The following PEX2 variants were observed in gnomAD, a reference collection of about 807,000 sequenced individuals.
PEX2 encodes the protein peroxisome biogenesis factor 2.
PEX2 carries 19 observed loss-of-function variants against 25.2 expected under a neutral mutation model. That is an observed-to-expected ratio of 0.75 (90% CI 0.53 to 1.10). PEX2 has a LOEUF of 1.10. Among genes scored for constraint, PEX2 ranks in the 50% least tolerant of loss-of-function variants. The pLI, the probability that PEX2 is intolerant of heterozygous loss-of-function variation, is 0.00. For synonymous variants in PEX2, 141 were observed against 127.7 expected (o/e 1.10, Z -0.70); for missense variants, 347 against 350.6 (o/e 0.99, Z 0.08).
Position 76,984,123 on chromosome 8 carries a change from T to G in PEX2, c.56A>C (p.Gln19Pro). 6.2e-7 allele frequency: 1 copy of G among 1,613,882 alleles called. No individual in the cohort carries two copies. The highest frequency in any genetic ancestry group is 2.2e-5 in the East Asian group (1 of 44,876). The stretch of plus-strand genomic sequence containing the variant: ...CTTGTTTAGTTCAAGTGCATCCAAC[T>G]GGCTTATTCTTAGCACTCTGTTTGC... ...KSANRVLRISQLDALELNKAL... is the reference protein window; with the variant it reads ...KSANRVLRISPLDALELNKAL... The change falls in exon 4 of 4, where the codon CAG becomes CCG. Residue 19 changes from glutamine (Q) to proline (P), a missense_variant. Gln to Pro is a moderately conservative substitution (Grantham distance 76). Transcript: ENST00000357039.
chr8:76,999,550 G>C (rs1807433043), intron 1 of PEX2, among the ~76,000 whole-genome samples: 1 of 152,148 alleles, frequency 6.6e-6, no homozygotes, highest in African/African-American at 2.4e-5. Flanking sequence ...AACAGTGTTA[G>C]AAAACTAAGC....
intron 1 of PEX2, among the ~76,000 whole-genome samples, chr8:76,992,229 C>T (rs1178112270): frequency 6.6e-6 from 1 of 152,152 alleles, no homozygotes; most frequent in African/African-American, 2.4e-5. Flanking sequence ...TCCCGCATGA[C>T]CTGCTCCTGT....
At position 76,983,229 on chromosome 8, in the gene PEX2, A is replaced by C. The variant is rs775359513; in HGVS notation, c.*32T>G. The C allele has an allele frequency of 6.2e-7, 1 of 1,606,042 alleles. No homozygotes were observed. The highest frequency in any genetic ancestry group is 8.5e-7 in the Non-Finnish European group (1 of 1,179,758). On this transcript the variant is annotated 3_prime_UTR_variant, in exon 4 of 4. Coordinates refer to ENST00000357039, the MANE Select transcript of PEX2 (RefSeq NM_000318.3). ...AATATTAAGAATTTAAACACGGTGC[A>C]TTTTTTTCCTCAAAGGAAGCAATTT...
intron 1 of PEX2, among the ~76,000 whole-genome samples, chr8:76,995,092 C>T (rs560418235): frequency 1.4e-4 from 22 of 152,328 alleles, no homozygotes; most frequent in Non-Finnish European, 2.9e-4. Flanking sequence ...ACCTCTGGCA[C>T]TGTGAACAGG....
rs749021234 is a variant in PEX2 at position 76,983,835 on chromosome 8, C to G, written c.344G>C (p.Trp115Ser). ...WYAVCTIGGRWLEERCYDLFR... is the reference protein window; with the variant it reads ...WYAVCTIGGRSLEERCYDLFR... ...CAAATCATAGCATCGTTCTTCTAACCACCTGCCACCAATTGTACAAACAGC... is the reference window on the plus strand; with the variant it reads ...CAAATCATAGCATCGTTCTTCTAACGACCTGCCACCAATTGTACAAACAGC... Residue 115 changes from tryptophan to serine, a missense_variant, in exon 4 of 4, where the codon TGG becomes TCG. Coordinates refer to ENST00000357039, the MANE Select transcript of PEX2 (RefSeq NM_000318.3). 1 of 1,614,068 alleles carries G rather than the reference C, an allele frequency of 6.2e-7. No individual in the cohort carries two copies. Among genetic ancestry groups the G allele is most frequent in the Non-Finnish European group, 8.5e-7 (1 of 1,179,954 alleles).
chr8:76,996,790 T>C (rs1807345752), intron 1 of PEX2, among the ~76,000 whole-genome samples: 1 of 138,010 alleles, frequency 7.2e-6, no homozygotes, highest in South Asian at 2.4e-4. Flanking sequence ...CAACTTTTCT[T>C]TACATTCTTT....
chr8:76,988,032 A>C (rs553397556), intron 2 of PEX2: 2 of 152,252 alleles, frequency 1.3e-5, no homozygotes, highest in Non-Finnish European at 2.9e-5. Context: ...CTTGATCTAC[A>C]TAAGTGCTAA....
At chr8:76,996,637 T>C (rs915748047) in intron 1 of PEX2, among the ~76,000 whole-genome samples, 1 of 152,202 alleles carries the variant, frequency 6.6e-6, no homozygotes, top group Non-Finnish European at 1.5e-5. Context: ...GAATTCTAAA[T>C]GACTTGAAAA....
chr8:76,996,139 C>T (rs1807323308), intron 1 of PEX2, among the ~76,000 whole-genome samples: 1 of 152,078 alleles, frequency 6.6e-6, no homozygotes, highest in Non-Finnish European at 1.5e-5. Flanking sequence ...GAAGACAATC[C>T]CAATGAACTT....
Position 76,983,575 on chromosome 8 carries a change from C to G in PEX2, c.604G>C (p.Glu202Gln). Residue 202 changes from glutamate to glutamine, a missense_variant, in exon 4 of 4, where the codon GAA (glutamate) becomes CAA (glutamine). Glu to Gln is a conservative substitution (Grantham distance 29). Coordinates refer to ENST00000357039, the MANE Select transcript of PEX2 (RefSeq NM_000318.3). ...NRELLWHGFA[E>Q]FLIFLLPLIN... ...AGTGGTAAGAGAAAAATCAGAAATT[C>G]AGCAAAACCATGCCAGAGAAGTTCC... 1 of 1,614,108 alleles carries G rather than the reference C, an allele frequency of 6.2e-7. No individual in the cohort carries two copies. The highest frequency in any genetic ancestry group is 8.5e-7 in the Non-Finnish European group (1 of 1,180,028).
At chr8:76,991,312 T>C (rs1214624372) in intron 1 of PEX2, among the ~76,000 whole-genome samples, 2 of 152,172 alleles carry the variant, frequency 1.3e-5, no homozygotes, top group Non-Finnish European at 2.9e-5. Context: ...TATTTAACAA[T>C]ATTTATTATC....
At chr8:77,000,504 T>C, upstream of PEX2, among the ~76,000 whole-genome samples, 1 of 152,172 alleles carries the variant, frequency 6.6e-6, no homozygotes, top group East Asian at 1.9e-4. Context: ...GGGTTCCTTG[T>C]TCGCTGTCGG....
intron 1 of PEX2, among the ~76,000 whole-genome samples, chr8:76,991,956 C>T (rs548127332): frequency 2.0e-5 from 3 of 152,252 alleles, no homozygotes; most frequent in Admixed American, 6.5e-5. Flanking sequence ...AATCTCATTT[C>T]GAAAGACTGA....
In PEX2 at chr8:76,983,512, A is replaced by C. The variant is rs1806901390; in HGVS notation, c.667T>G (p.Trp223Gly). The C allele has an allele frequency of 6.2e-7, 1 of 1,614,028 alleles. No homozygotes were observed. Among genetic ancestry groups the C allele is most frequent in the Admixed American group, 1.7e-5 (1 of 60,016 alleles). ...GGTGCACCAGTAAGAGGAATACACC[A>C]TGAAGACAGCTTGGCTTTCAACTTC... ...VQKLKAKLSS[W>G]CIPLTGAPNS... is the part of the protein sequence containing the mutation. Residue 223 changes from tryptophan (W) to glycine (G), a missense_variant, in exon 4 of 4, where the codon TGG (tryptophan) becomes GGG (glycine). Transcript: ENST00000357039.
At chr8:76,999,400 A>C (rs184295442) in intron 1 of PEX2, among the ~76,000 whole-genome samples, 90 of 152,342 alleles carry the variant, frequency 5.9e-4, no homozygotes, top group African/African-American at 2.0e-3. Context: ...CCCAGGAAAA[A>C]ATGTTAACAA....
In PEX2 at chr8:76,983,848, T is replaced by C. The variant is rs774994658; in HGVS notation, c.331A>G (p.Ile111Val). 2.2e-5 allele frequency: 35 copies of C among 1,614,028 alleles called. No homozygotes were observed. The highest frequency in any genetic ancestry group is 1.6e-4 in the Middle Eastern group (1 of 6,084). The change falls in exon 4 of 4, where the codon ATT becomes GTT. Residue 111 changes from isoleucine to valine, a missense_variant. Coordinates refer to ENST00000357039, the MANE Select transcript of PEX2 (RefSeq NM_000318.3). ...CGTTCTTCTAACCACCTGCCACCAA[T>C]TGTACAAACAGCATACCAGATTTTT... ...NQKIWYAVCT[I>V]GGRWLEERCY...
intron 1 of PEX2, among the ~76,000 whole-genome samples, chr8:76,995,993 C>A (rs552146652): frequency 6.6e-6 from 1 of 151,760 alleles, no homozygotes; most frequent in South Asian, 2.1e-4. Context: ...GGAAATCTTG[C>A]AAGGGAAAGG....
At chr8:76,987,441 T>C (rs1807038842) in intron 2 of PEX2, among the ~76,000 whole-genome samples, 1 of 151,948 alleles carries the variant, frequency 6.6e-6, no homozygotes, top group African/African-American at 2.4e-5. Flanking sequence ...GAGATAAGGC[T>C]GGAAAGAAGC....
At chr8:76,996,318 G>A (rs1273136951) in intron 1 of PEX2, among the ~76,000 whole-genome samples, 1 of 152,182 alleles carries the variant, frequency 6.6e-6, no homozygotes, top group Non-Finnish European at 1.5e-5. Flanking sequence ...AGGAAATTGA[G>A]GTGCAAAGAG....
Sources: allele counts gnomAD v4.1 joint callset (sites outside exome capture counted in the v4.1 genomes callset), GRCh38; gene constraint gnomAD v4.1.1; transcripts MANE v1.5; gene names NCBI Gene and HGNC (gene_info 2026-07-23, HGNC 2026-07-21).